Variants in DPP6 observed in about 807,000 individuals in gnomAD.
The protein encoded by DPP6 is A-type potassium channel modulatory protein DPP6.
In DPP6, 69 loss-of-function variants were observed where a neutral mutation model predicts 122.6. The observed-to-expected ratio is 0.56, with a 90% CI of 0.46 to 0.69. DPP6 has a LOEUF of 0.69. DPP6 is among the 30% of genes least tolerant of loss of function. The pLI is 0.00. For missense variants in DPP6, 928 were observed against 1,116.9 expected (o/e 0.83, Z 2.41); for synonymous variants, 418 against 433.1 (o/e 0.97, Z 0.43).
At chr7:153,753,453 G>A in the DPP6 span, among the ~76,000 whole-genome samples, 9 of 151,676 alleles carry the variant, frequency 5.9e-5, no homozygotes, top group South Asian at 1.7e-3. Context: ...TTTCCAGCTT[G>A]TAAGATTCCT....
chr7:153,913,602 A>G (rs1800179659), intron 1 of DPP6, among the ~76,000 whole-genome samples: 1 of 150,626 alleles, frequency 6.6e-6, no homozygotes. Flanking sequence ...ATAAATATTC[A>G]GTATTTGAGG....
At chr7:154,705,142 G>A (rs551710398) in intron 7 of DPP6, among the ~76,000 whole-genome samples, 1 of 152,174 alleles carries the variant, frequency 6.6e-6, no homozygotes, top group Admixed American at 6.5e-5. Flanking sequence ...GAGAAGGGAG[G>A]GCATAGAAAA....
At chr7:154,798,334 G>T (rs962440349) in intron 12 of DPP6, among the ~76,000 whole-genome samples, 1 of 152,164 alleles carries the variant, frequency 6.6e-6, no homozygotes, top group Non-Finnish European at 1.5e-5. Context: ...GTGTCTCATC[G>T]CCCATATGAG....
chr7:154,199,458 G>C (rs1160409850), intron 1 of DPP6, among the ~76,000 whole-genome samples: 1 of 152,060 alleles, frequency 6.6e-6, no homozygotes, highest in Non-Finnish European at 1.5e-5. Flanking sequence ...AAGGGACTTT[G>C]GGCAAACTTA....
At chr7:154,059,296 G>T (rs1226622485) in intron 1 of DPP6, 1 of 155,738 alleles carries the variant, frequency 6.4e-6, no homozygotes, top group Non-Finnish European at 1.4e-5. Flanking sequence ...CCTTGAGGCG[G>T]GGACTGAGAG....
intron 1 of DPP6, among the ~76,000 whole-genome samples, chr7:154,109,542 T>G (rs1303803659): frequency 1.3e-5 from 2 of 152,214 alleles, no homozygotes; most frequent in African/African-American, 2.4e-5. Context: ...TCCACCCGCC[T>G]CAGCCTCCCA....
intron 15 of DPP6, among the ~76,000 whole-genome samples, chr7:154,805,556 C>T (rs1798645816): frequency 6.6e-6 from 1 of 152,130 alleles, no homozygotes; most frequent in Non-Finnish European, 1.5e-5. Flanking sequence ...AAGTAGAAGG[C>T]TAATATTTAT....
chr7:154,415,853 A>G (rs1816971477), intron 1 of DPP6, among the ~76,000 whole-genome samples: 1 of 151,468 alleles, frequency 6.6e-6, no homozygotes, highest in Non-Finnish European at 1.5e-5. Context: ...CAGGGATTTC[A>G]GATGAAGCAA....
chr7:153,845,105 T>C, the DPP6 span, among the ~76,000 whole-genome samples: 1 of 152,328 alleles, frequency 6.6e-6, no homozygotes, highest in East Asian at 1.9e-4. Context: ...TGATCATCAA[T>C]GTAATAGACA....
At chr7:154,808,207 C>T (rs1406340002) in intron 16 of DPP6, among the ~76,000 whole-genome samples, 1 of 152,174 alleles carries the variant, frequency 6.6e-6, no homozygotes, top group East Asian at 1.9e-4. Flanking sequence ...TTTATCAGAG[C>T]AATGTCTTTG....
At chr7:153,986,856 T>C (rs1463844727) in intron 1 of DPP6, among the ~76,000 whole-genome samples, 1 of 151,818 alleles carries the variant, frequency 6.6e-6, no homozygotes, top group Non-Finnish European at 1.5e-5. Context: ...CTTTATCCTG[T>C]AGAGCACGTT....
At chr7:153,969,741 G>T (rs575888099) in intron 1 of DPP6, among the ~76,000 whole-genome samples, 1 of 149,880 alleles carries the variant, frequency 6.7e-6, no homozygotes, top group Non-Finnish European at 1.5e-5. Context: ...GCAGTTTAAT[G>T]AGCTTTGAAA....
chr7:154,094,584 C>T (rs1199752983), intron 1 of DPP6: 3 of 152,232 alleles, frequency 2.0e-5, no homozygotes, highest in Admixed American at 1.3e-4. Flanking sequence ...ATTCTCATTT[C>T]TTACCTTCTC....
intron 6 of DPP6, among the ~76,000 whole-genome samples, chr7:154,643,360 G>A (rs1310385937): frequency 6.6e-6 from 1 of 151,916 alleles, no homozygotes; most frequent in Non-Finnish European, 1.5e-5. Flanking sequence ...ACTGTCTGGA[G>A]CAATGAAAGC....
At chr7:154,572,458 T>A (rs1030995647) in intron 5 of DPP6, among the ~76,000 whole-genome samples, 2 of 151,580 alleles carry the variant, frequency 1.3e-5, no homozygotes, top group Non-Finnish European at 2.9e-5. Context: ...TTATAACTGC[T>A]GGAAATCAAT....
chr7:154,195,413 C>T (rs1047440570), intron 1 of DPP6, among the ~76,000 whole-genome samples: 2 of 152,042 alleles, frequency 1.3e-5, no homozygotes, highest in African/African-American at 2.4e-5. Flanking sequence ...TGGAAACTGC[C>T]GTTGGCTGGC....
intron 4 of DPP6, among the ~76,000 whole-genome samples, chr7:154,565,813 C>T (rs894185698): frequency 6.6e-6 from 1 of 152,150 alleles, no homozygotes; most frequent in South Asian, 2.1e-4. Context: ...GCGTGAGCCA[C>T]TGCGCCCAGC....
intron 2 of DPP6, among the ~76,000 whole-genome samples, chr7:154,448,869 C>T (rs1820114580): frequency 1.3e-5 from 2 of 152,110 alleles, no homozygotes; most frequent in Admixed American, 1.3e-4. Flanking sequence ...TATTCACCTG[C>T]AAAAGAGTGC....
At position 154,474,030 on chromosome 7, in the gene DPP6, G is replaced by A. The variant is rs184294519; in HGVS notation, c.359-909G>A. Among the ~76,000 whole-genome samples, 1,261 of 152,328 alleles carry A rather than the reference G, an allele frequency of 8.3e-3. 15 individuals are homozygous for A. The highest frequency in any genetic ancestry group is 0.06 in the South Asian group (288 of 4,822). On this transcript the variant is annotated intron_variant, in intron 2 of 25. Transcript: ENST00000377770. ...CATCCTAGGTAGATAATGTCCATCA[G>A]ATGTGGTCAAGTCAATATACAGAGG...
Sources: gnomAD v4.1 joint callset for allele counts (sites outside exome capture counted in the v4.1 genomes callset) on GRCh38, gnomAD v4.1.1 for gene constraint, MANE v1.5 for transcripts, NCBI Gene and HGNC (gene_info 2026-07-23, HGNC 2026-07-21) for gene names.